Variants in PDLIM2 observed in about 807,000 individuals in gnomAD.
PDLIM2 encodes the protein PDZ and LIM domain protein 2.
In PDLIM2, 51 loss-of-function variants were observed where a neutral mutation model predicts 54.1. The ratio of observed to expected loss-of-function variants is 0.94; its 90% CI spans 0.75 to 1.19. PDLIM2 has a LOEUF of 1.19. Ranked by LOEUF, PDLIM2 falls within the 50% of genes most tolerant of loss-of-function variation. The pLI, the probability that PDLIM2 is intolerant of heterozygous loss-of-function variation, is 0.00. For synonymous variants in PDLIM2, 398 were observed against 385.6 expected (o/e 1.03, Z -0.38); for missense variants, 912 against 874.0 (o/e 1.04, Z -0.55).
chr8:22,595,057 A>C, downstream of PDLIM2: 1 of 166,374 alleles, frequency 6.0e-6, no homozygotes, highest in Non-Finnish European at 1.3e-5. Flanking sequence ...TTCACCCACT[A>C]CCCCTAGTGC....
At chr8:22,584,965 C>A in intron 4 of PDLIM2, 52 bp from the exon 4 acceptor site, 1 of 1,613,286 alleles carries the variant, frequency 6.2e-7, no homozygotes, top group African/African-American at 1.3e-5. Flanking sequence ...GAGGGCAGGG[C>A]GGCCTTGGCG....
intron 2 of PDLIM2, 101 bp downstream of exon 1, chr8:22,580,798 G>A: frequency 7.7e-7 from 1 of 1,305,056 alleles, no homozygotes; most frequent in Non-Finnish European, 1.1e-6. Flanking sequence ...CTGTTCTGGA[G>A]CTAGGGATCT....
chr8:22,594,358 C>T (rs559256690), downstream of PDLIM2: 1 of 1,476,636 alleles, frequency 6.8e-7, no homozygotes, highest in Middle Eastern at 2.5e-4. Flanking sequence ...GCTCCCACCA[C>T]TGGGTGGAGG....
At chr8:22,581,023 C>T (rs748075929) in intron 2 of PDLIM2, 2 of 657,350 alleles carry the variant, frequency 3.0e-6, no homozygotes, top group East Asian at 3.2e-5. Flanking sequence ...CTCCTCTTGA[C>T]CTGGGCCCAG....
exon 1 of PDLIM2, chr8:22,578,907 C>G: frequency 3.2e-6 from 4 of 1,237,778 alleles, no homozygotes; most frequent in Non-Finnish European, 4.0e-6. Context: ...CGGGGGCTTG[C>G]GGGCGCTCCG....
chr8:22,579,191 TG>T lies in PDLIM2; in HGVS notation c.415del (p.Ala139ArgfsTer115). On this transcript the variant is annotated frameshift_variant, in exon 1 of 10. Coordinates refer to ENST00000308354, the Ensembl canonical transcript of PDLIM2. LOFTEE classifies it high-confidence loss of function. ...CCCCGCCTTCCCTCCCTCCCGGGCC[TG>T]GGCGCCCAGCCGGACAGGTGAGCGG... 1 of 1,384,432 alleles carries T rather than the reference TG, an allele frequency of 7.2e-7. No homozygotes were observed. Among genetic ancestry groups the T allele is most frequent in the Non-Finnish European group, 9.3e-7 (1 of 1,070,810 alleles). The allele number at this position is 1,384,432 out of a possible 1,614,324, so 85.8% of individuals were successfully genotyped here.
chr8:22,591,464 C>T (rs1347626873), intron 8 of PDLIM2, 87 bp from the exon 8 acceptor site: 4 of 1,220,576 alleles, frequency 3.3e-6, no homozygotes, highest in Non-Finnish European at 3.6e-6. Context: ...TATAAGGGTG[C>T]TTTCCAAGAC....
chr8:22,584,617 C>A (rs372928079), intron 3 of PDLIM2, among the ~76,000 whole-genome samples: 72 of 152,174 alleles, frequency 4.7e-4, no homozygotes, highest in African/African-American at 1.6e-3. Flanking sequence ...GGCCAACTGT[C>A]CTTTCTTTTA....
chr8:22,580,099 C>T (rs1457309917), intron 1 of PDLIM2: 3 of 223,270 alleles, frequency 1.3e-5, no homozygotes, highest in Non-Finnish European at 2.7e-5. Context: ...CTGGTGCCAG[C>T]CTGTTCCTTG....
At chr8:22,584,042 C>T (rs1308303486) in intron 3 of PDLIM2, among the ~76,000 whole-genome samples, 1 of 151,792 alleles carries the variant, frequency 6.6e-6, no homozygotes, top group African/African-American at 2.4e-5. Flanking sequence ...CACTCTGTCG[C>T]CCAGCCTGGA....
At chr8:22,597,112 G>A (rs1393699218), downstream of PDLIM2, 1 of 152,278 alleles carries the variant, frequency 6.6e-6, no homozygotes, top group East Asian at 1.9e-4. Context: ...GAGCTTGCAG[G>A]AAACCCACTT....
chr8:22,585,227 A>T, intron 5 of PDLIM2, 65 bp downstream of exon 4: 1 of 1,604,362 alleles, frequency 6.2e-7, no homozygotes, highest in Non-Finnish European at 8.5e-7. Flanking sequence ...GGCTCCTCTG[A>T]GTCTCAGGAG....
chr8:22,587,013 CTA>C (rs747136075), intron 6 of PDLIM2, among the ~76,000 whole-genome samples: 43 of 152,192 alleles, frequency 2.8e-4, no homozygotes, highest in Non-Finnish European at 4.4e-4. Flanking sequence ...TCAGGTCAGA[CTA>C]GACGCTCTGA....
chr8:22,578,987 C>A, exon 1 of PDLIM2: 2 of 1,241,770 alleles, frequency 1.6e-6, no homozygotes, highest in Non-Finnish European at 2.0e-6. Flanking sequence ...CCTGCCTCAT[C>A]CCCCCGGCGG....
chr8:22,580,427 A>G, intron 1 of PDLIM2, 48 bp from the exon 1 acceptor site: 4 of 1,419,994 alleles, frequency 2.8e-6, no homozygotes, highest in Non-Finnish European at 3.7e-6. Context: ...GGGAAGTGAA[A>G]CCGGGCTGAG....
At chr8:22,594,867 C>A, downstream of PDLIM2, 1 of 576,506 alleles carries the variant, frequency 1.7e-6, no homozygotes, top group Non-Finnish European at 2.9e-6. Flanking sequence ...CCGAGGCTGC[C>A]TTAAGCTGTG....
In PDLIM2 at chr8:22,580,097, A is replaced by G. The variant is rs532081149; in HGVS notation, c.749-506A>G. 7 of 223,432 alleles carry G rather than the reference A, an allele frequency of 3.1e-5. No individual in the cohort carries two copies. The East Asian group carries it at 9.4e-4, about 30-fold the overall frequency. The allele number at this position is 223,432 out of a possible 1,614,324, so 13.8% of individuals were successfully genotyped here. A position where few individuals can be genotyped will look rare whatever the true frequency, so the allele number is the denominator to read the frequency against. On this transcript the variant is annotated intron_variant, in intron 1 of 9. Coordinates refer to ENST00000308354, the Ensembl canonical transcript of PDLIM2. ...GACTTACACAGTCTGTACTGGTGCC[A>G]GCCTGTTCCTTGACCCGTCACTCCT... is the stretch of plus-strand genomic sequence containing the variant.
chr8:22,584,905 T>C lies in PDLIM2; in HGVS notation c.1065+15T>C. ...CTCGCTTCCAGGTAAGCTGGTGCCC[T>C]CCCCTGACAGCCTCAGCACCCTGAT... is the stretch of plus-strand genomic sequence containing the variant. On this transcript the variant is annotated intron_variant, in intron 4 of 9. Transcript: ENST00000308354. 1 of 1,613,946 alleles carries C rather than the reference T, an allele frequency of 6.2e-7. No homozygotes were observed. Among genetic ancestry groups the C allele is most frequent in the Middle Eastern group, 1.6e-4 (1 of 6,062 alleles).
intron 1 of PDLIM2, chr8:22,579,556 C>G (rs1800130484): frequency 2.8e-6 from 4 of 1,440,656 alleles, no homozygotes; most frequent in Admixed American, 2.5e-5. Context: ...GGCCGCGAGC[C>G]GGCCTCGGGG....
Sources: gnomAD v4.1 joint callset for allele counts (sites outside exome capture counted in the v4.1 genomes callset) on GRCh38, gnomAD v4.1.1 for gene constraint, MANE v1.5 for transcripts, NCBI Gene and HGNC (gene_info 2026-07-23, HGNC 2026-07-21) for gene names.